Variants in DNAJC3 observed in about 807,000 individuals in gnomAD.
The protein encoded by DNAJC3 is DnaJ heat shock protein family (Hsp40) member C3.
In DNAJC3, 38 loss-of-function variants were observed where a neutral mutation model predicts 68.6. That is an observed-to-expected ratio of 0.55 (90% CI 0.43 to 0.73). DNAJC3 has a LOEUF of 0.73. Among genes scored for constraint, DNAJC3 ranks in the 30% least tolerant of loss-of-function variants. The pLI is 0.00. For synonymous variants in DNAJC3, 203 were observed against 204.0 expected, an observed-to-expected ratio of 1.00 and a Z score of 0.04; for missense variants, 526 against 591.9, an observed-to-expected ratio of 0.89 and a Z score of 1.16.
At chr13:95,716,442 G>T (rs1039402765) in intron 2 of DNAJC3, among the ~76,000 whole-genome samples, 12 of 152,196 alleles carry the variant, frequency 7.9e-5, no homozygotes, top group African/African-American at 2.4e-4. Context: ...CAGACGGCTT[G>T]TGTTAGTCAG....
intron 10 of DNAJC3, among the ~76,000 whole-genome samples, chr13:95,786,318 AT>A (rs1883600752): frequency 6.6e-6 from 1 of 151,996 alleles, no homozygotes; most frequent in South Asian, 2.1e-4. Flanking sequence ...TGTAGCATGA[AT>A]GGGTCCTAAG....
intron 2 of DNAJC3, among the ~76,000 whole-genome samples, chr13:95,720,861 A>T (rs1881299271): frequency 6.7e-6 from 1 of 149,594 alleles, no homozygotes; most frequent in South Asian, 2.1e-4. Context: ...TAAAAAATAC[A>T]TTTTTTTTTT....
intron 4 of DNAJC3, among the ~76,000 whole-genome samples, chr13:95,734,772 T>C (rs1334840511): frequency 1.3e-5 from 2 of 152,056 alleles, no homozygotes; most frequent in Non-Finnish European, 2.9e-5. Context: ...GTCTTCAAGT[T>C]CTGAAATTGT....
intron 4 of DNAJC3, among the ~76,000 whole-genome samples, chr13:95,753,407 G>A (rs1486921416): frequency 2.6e-5 from 4 of 151,958 alleles, no homozygotes; most frequent in African/African-American, 9.7e-5. Flanking sequence ...AATATGTGAA[G>A]GCAAATTCTA....
At chr13:95,760,011 C>T (rs748151711) in intron 5 of DNAJC3, 29 bp from the exon 6 acceptor site, 1 of 1,530,790 alleles carries the variant, frequency 6.5e-7, no homozygotes. Context: ...TTTATTCTTT[C>T]TTAAAGTCTA....
Position 95,761,274 on chromosome 13 carries a change from A to G in DNAJC3, c.848+476A>G, listed in dbSNP as rs117023690. On this transcript the variant is annotated intron_variant, in intron 7 of 11. Transcript: ENST00000602402. Reference sequence around the variant, plus strand: ...GAGTAAAAGAGGAGCTTTTTTTTTTAGAGAAGGTGATAGATATTTAAATCC... The same window carrying G: ...GAGTAAAAGAGGAGCTTTTTTTTTTGGAGAAGGTGATAGATATTTAAATCC... Among the ~76,000 whole-genome samples the G allele has an allele frequency of 5.1e-3, 778 of 151,596 alleles. 10 individuals are homozygous for G. Among genetic ancestry groups the G allele is most frequent in the East Asian group, 0.043 (223 of 5,168 alleles).
chr13:95,774,787 A>G (rs1387318907), intron 9 of DNAJC3, among the ~76,000 whole-genome samples: 1 of 152,046 alleles, frequency 6.6e-6, no homozygotes, highest in Non-Finnish European at 1.5e-5. Flanking sequence ...TAATAGAATC[A>G]CCTCTGCCTT....
Position 95,682,974 on chromosome 13 carries a change from G to T in DNAJC3, c.82+5637G>T, listed in dbSNP as rs762029742. 1.5e-3 allele frequency among the ~76,000 whole-genome samples: 234 copies of T among 152,330 alleles called. 1 individual carries two copies. Among genetic ancestry groups the T allele is most frequent in the Admixed American group, 3.2e-3 (49 of 15,300 alleles). ...TAGGTGATACAAAGAAGAAAAGACA[G>T]CTCCTCCTCTCAAACTTGCTTTTGA... On this transcript the variant is annotated intron_variant, in intron 1 of 11. Coordinates refer to ENST00000602402, the MANE Select transcript of DNAJC3 (RefSeq NM_006260.5).
rs149359616 is a variant in DNAJC3 at position 95,696,769 on chromosome 13, G to A, written c.83-12458G>A. Among the ~76,000 whole-genome samples, 354 of 151,204 alleles carry A rather than the reference G, an allele frequency of 2.3e-3. 4 individuals are homozygous for A. Among genetic ancestry groups the A allele is most frequent in the Middle Eastern group, 0.01 (3 of 292 alleles). On this transcript the variant is annotated intron_variant, in intron 1 of 11. Coordinates refer to ENST00000602402, the MANE Select transcript of DNAJC3 (RefSeq NM_006260.5). ...GTCTTGTGTTTTTTTTTTTTGAGAC[G>A]GAGTCTCGCTCTGTCGCCCAGACTG...
chr13:95,719,915 G>A (rs531086983), intron 2 of DNAJC3, among the ~76,000 whole-genome samples: 49 of 152,172 alleles, frequency 3.2e-4, no homozygotes, highest in South Asian at 6.2e-4. Context: ...GTAGTTTACC[G>A]TATACCATGT....
At chr13:95,700,960 A>T (rs1386122294) in intron 1 of DNAJC3, among the ~76,000 whole-genome samples, 1 of 152,218 alleles carries the variant, frequency 6.6e-6, no homozygotes, top group Non-Finnish European at 1.5e-5. Context: ...GAGCTAGCTG[A>T]AATACTAGAC....
At chr13:95,767,853 CT>C (rs955684805) in intron 9 of DNAJC3, among the ~76,000 whole-genome samples, 7 of 145,060 alleles carry the variant, frequency 4.8e-5, no homozygotes, top group East Asian at 2.0e-4. Flanking sequence ...CCACACCTGG[CT>C]TTTTTTTTTC....
intron 4 of DNAJC3, among the ~76,000 whole-genome samples, chr13:95,726,974 G>A (rs1881545965): frequency 6.6e-6 from 1 of 152,296 alleles, no homozygotes; most frequent in South Asian, 2.1e-4. Flanking sequence ...AAAATCGGCT[G>A]TCATTTTCTT....
intron 1 of DNAJC3, among the ~76,000 whole-genome samples, chr13:95,680,630 ATAGT>A (rs1293072858): frequency 3.3e-5 from 5 of 152,334 alleles, no homozygotes; most frequent in East Asian, 1.9e-4. Context: ...TTCTCTTGAC[ATAGT>A]TAGTATTTGC....
In DNAJC3 at chr13:95,761,273, T is replaced by C. The variant is rs1439354211; in HGVS notation, c.848+475T>C. ...GGAGTAAAAGAGGAGCTTTTTTTTT[T>C]AGAGAAGGTGATAGATATTTAAATC... On this transcript the variant is annotated intron_variant, in intron 7 of 11. Transcript: ENST00000602402. 3.3e-5 allele frequency among the ~76,000 whole-genome samples: 5 copies of C among 152,184 alleles called. No individual in the cohort carries two copies. The East Asian group carries it at 7.7e-4, about 24-fold the overall frequency.
intron 4 of DNAJC3, among the ~76,000 whole-genome samples, chr13:95,728,685 T>C (rs76194862): frequency 0.013 from 1,956 of 152,316 alleles, 50 homozygotes; most frequent in African/African-American, 0.045. Flanking sequence ...TAATACAGAA[T>C]ATTTGTGCAT....
chr13:95,696,070 A>T (rs1159956181), intron 1 of DNAJC3, among the ~76,000 whole-genome samples: 2 of 152,250 alleles, frequency 1.3e-5, no homozygotes, highest in African/African-American at 4.8e-5. Context: ...GCATATAAGC[A>T]TGTACTAACA....
In DNAJC3 at chr13:95,760,682, A is replaced by G; in HGVS notation, c.732A>G (p.Glu244=). The change falls in exon 7 of 12, where the codon GAA becomes GAG. Residue 244 remains glutamate, a synonymous_variant. Coordinates refer to ENST00000602402, the MANE Select transcript of DNAJC3 (RefSeq NM_006260.5). ...CCTTTTTTAAATACATGAACAGTGA[A>G]GTTCGGGAATGTCTTAAACTTGACC... ...QLGDHELSLS[E]VRECLKLDQD... 1 of 1,606,544 alleles carries G rather than the reference A, an allele frequency of 6.2e-7. No homozygotes were observed. Among genetic ancestry groups the G allele is most frequent in the African/African-American group, 1.3e-5 (1 of 74,548 alleles).
At chr13:95,746,007 C>T (rs541410196) in intron 4 of DNAJC3, among the ~76,000 whole-genome samples, 102 of 152,296 alleles carry the variant, frequency 6.7e-4, no homozygotes, top group Non-Finnish European at 1.1e-3. Context: ...TCTCAGTTTA[C>T]AGCAGAGGAA....
Sources: gnomAD v4.1 joint callset for allele counts (sites outside exome capture counted in the v4.1 genomes callset) on GRCh38, gnomAD v4.1.1 for gene constraint, MANE v1.5 for transcripts, NCBI Gene and HGNC (gene_info 2026-07-23, HGNC 2026-07-21) for gene names.